GRIN3A: variants seen among roughly 807,000 people sequenced by gnomAD.
GRIN3A encodes glutamate receptor ionotropic, NMDA 3A.
GRIN3A carries 47 observed loss-of-function variants against 92.4 expected under a neutral mutation model. The observed-to-expected ratio is 0.51, with a 90% CI of 0.40 to 0.65. The LOEUF (loss-of-function observed/expected upper bound fraction) is 0.65, where lower values mean the gene tolerates loss of function less well. Ranked by LOEUF, GRIN3A falls within the 30% of genes least tolerant of loss-of-function variation. The probability of loss-of-function intolerance (pLI) is 0.00; values close to 1 mark genes in which losing one functional copy is unlikely to be tolerated. For missense variants in GRIN3A, 1,324 were observed against 1,393.1 expected (o/e 0.95, Z 0.79); for synonymous variants, 527 against 540.6 (o/e 0.97, Z 0.35).
chr9:101,618,099 A>G (rs1230748081), intron 5 of GRIN3A, among the ~76,000 whole-genome samples: 2 of 152,126 alleles, frequency 1.3e-5, no homozygotes, highest in East Asian at 3.9e-4. Flanking sequence ...AAGAAAACCT[A>G]GGCAATACCA....
chr9:101,693,183 C>T (rs1353692797), intron 1 of GRIN3A, among the ~76,000 whole-genome samples: 2 of 151,306 alleles, frequency 1.3e-5, no homozygotes, highest in African/African-American at 4.9e-5. Context: ...GGTGGTAGAT[C>T]ACCTGAGGTC....
At chr9:101,695,593 G>A (rs10119060) in intron 1 of GRIN3A, among the ~76,000 whole-genome samples, 1 of 152,098 alleles carries the variant, frequency 6.6e-6, no homozygotes, top group African/African-American at 2.4e-5. Context: ...AAGAGAGGAG[G>A]TGGCTGGAAA....
chr9:101,629,891 T>C (rs1014475905), intron 3 of GRIN3A, among the ~76,000 whole-genome samples: 16 of 152,208 alleles, frequency 1.1e-4, no homozygotes, highest in Non-Finnish European at 2.9e-5. Context: ...ATGTCTATCT[T>C]ATTTCAAAGC....
chr9:101,618,898 C>A (rs1024561515), intron 5 of GRIN3A, among the ~76,000 whole-genome samples: 1 of 152,086 alleles, frequency 6.6e-6, no homozygotes, highest in African/African-American at 2.4e-5. Context: ...TGTGGCTTTG[C>A]AATAAAGACA....
intron 6 of GRIN3A, chr9:101,592,357 G>A (rs1828041530): frequency 6.6e-6 from 1 of 152,236 alleles, no homozygotes; most frequent in Admixed American, 6.5e-5. Flanking sequence ...AAGGGGGAAG[G>A]GAAGGGAATT....
chr9:101,649,227 T>A (rs929099002), intron 3 of GRIN3A, among the ~76,000 whole-genome samples: 1 of 151,966 alleles, frequency 6.6e-6, no homozygotes, highest in South Asian at 2.1e-4. Flanking sequence ...GAGTTCTCCA[T>A]GTGAGCACAT....
Position 101,613,522 on chromosome 9 carries a change from C to T in GRIN3A, c.2620G>A (p.Gly874Ser), listed in dbSNP as rs143704150. The change falls in exon 6 of 9, where the codon GGC becomes AGC. Residue 874 changes from glycine (G) to serine (S), a missense_variant. Coordinates refer to ENST00000361820, the MANE Select transcript of GRIN3A (RefSeq NM_133445.3). ...GGAGAGTTGGGTGGGAGGCCAATGC[C>T]GTATCCTAGAAGAAAATACAATCTC... ...VGKPFAIEGY[G>S]IGLPPNSPLT... 2.3e-5 allele frequency: 37 copies of T among 1,613,986 alleles called. No individual in the cohort carries two copies. Among genetic ancestry groups the T allele is most frequent in the Middle Eastern group, 1.6e-4 (1 of 6,082 alleles).
chr9:101,711,612 CTT>C (rs1829880406), intron 1 of GRIN3A, among the ~76,000 whole-genome samples: 1 of 152,132 alleles, frequency 6.6e-6, no homozygotes, highest in African/African-American at 2.4e-5. Flanking sequence ...CTCTGATTTG[CTT>C]TCTGTGGGTT....
At chr9:101,667,673 C>T (rs1252716702) in intron 3 of GRIN3A, among the ~76,000 whole-genome samples, 3 of 151,886 alleles carry the variant, frequency 2.0e-5, no homozygotes, top group South Asian at 2.1e-4. Flanking sequence ...TGAGTAACTA[C>T]GGTATAATAA....
intron 1 of GRIN3A, among the ~76,000 whole-genome samples, chr9:101,705,388 C>CT (rs1350025126): frequency 6.6e-6 from 1 of 152,074 alleles, no homozygotes; most frequent in African/African-American, 2.4e-5. Flanking sequence ...CAAAGATTAC[C>CT]TCTCCCGCCT....
At chr9:101,715,082 G>A (rs921472232) in intron 1 of GRIN3A, among the ~76,000 whole-genome samples, 1 of 151,640 alleles carries the variant, frequency 6.6e-6, no homozygotes, top group African/African-American at 2.4e-5. Flanking sequence ...ATATGAAAAG[G>A]ATCCTTGGAC....
chr9:101,612,234 G>A lies in GRIN3A; in HGVS notation c.2766+1142C>T, dbSNP rs73509336. On this transcript the variant is annotated intron_variant, in intron 6 of 8. Coordinates refer to ENST00000361820, the MANE Select transcript of GRIN3A (RefSeq NM_133445.3). Reference sequence around the variant, plus strand: ...GACAACAGTGGAGATGACAATAAATGGGCATATTCGAGGCATATTTTATAG... The same window carrying A: ...GACAACAGTGGAGATGACAATAAATAGGCATATTCGAGGCATATTTTATAG... 7.7e-3 allele frequency among the ~76,000 whole-genome samples: 1,170 copies of A among 152,306 alleles called. 15 individuals carry two copies. The highest frequency in any genetic ancestry group is 0.027 in the African/African-American group (1,128 of 41,568).
chr9:101,646,030 A>G (rs1296468942), intron 3 of GRIN3A, among the ~76,000 whole-genome samples: 1 of 151,588 alleles, frequency 6.6e-6, no homozygotes, highest in African/African-American at 2.4e-5. Context: ...CCTCTTTGCT[A>G]TATTGATTTA....
chr9:101,624,133 T>C lies in GRIN3A; in HGVS notation c.2499-700A>G, dbSNP rs185863843. On this transcript the variant is annotated intron_variant, in intron 4 of 8. Coordinates refer to ENST00000361820, the MANE Select transcript of GRIN3A (RefSeq NM_133445.3). ...CAGAAAAGCTCTTAGTCTAATTTGC[T>C]TTTATTGTGACTATGTCCTGAGCCC... is the stretch of plus-strand genomic sequence containing the variant. Among the ~76,000 whole-genome samples, 14 of 152,344 alleles carry C rather than the reference T, an allele frequency of 9.2e-5. No homozygotes were observed. In the East Asian group the frequency reaches 2.5e-3, roughly 27 times the overall value.
chr9:101,706,835 A>G (rs1471313747), intron 1 of GRIN3A, among the ~76,000 whole-genome samples: 1 of 152,228 alleles, frequency 6.6e-6, no homozygotes, highest in Non-Finnish European at 1.5e-5. Flanking sequence ...GTTGCACACA[A>G]GGGAGACGGA....
At chr9:101,724,480 C>G (rs1234151737) in intron 1 of GRIN3A, among the ~76,000 whole-genome samples, 2 of 152,266 alleles carry the variant, frequency 1.3e-5, no homozygotes, top group Non-Finnish European at 2.9e-5. Context: ...GGTTCCCGCT[C>G]GCGCCTCTCC....
intron 5 of GRIN3A, among the ~76,000 whole-genome samples, chr9:101,619,137 G>T (rs903417379): frequency 1.3e-5 from 2 of 152,140 alleles, no homozygotes; most frequent in Non-Finnish European, 2.9e-5. Context: ...TAGACTAAAA[G>T]AATCTTCCGA....
At chr9:101,712,403 A>T (rs1174210974) in intron 1 of GRIN3A, among the ~76,000 whole-genome samples, 1 of 152,198 alleles carries the variant, frequency 6.6e-6, no homozygotes, top group Non-Finnish European at 1.5e-5. Flanking sequence ...AAACCAGGTC[A>T]TGGGTTTCAC....
At chr9:101,573,644 T>C (rs751563846) in intron 8 of GRIN3A, 131 bp from the exon 9 acceptor site, 35 of 747,614 alleles carry the variant, frequency 4.7e-5, no homozygotes, top group Non-Finnish European at 7.9e-5. Context: ...AACAAAGCCA[T>C]GGACAGACTA....
Sources: allele counts gnomAD v4.1 joint callset (sites outside exome capture counted in the v4.1 genomes callset), GRCh38; gene constraint gnomAD v4.1.1; transcripts MANE v1.5; gene names NCBI Gene and HGNC (gene_info 2026-07-23, HGNC 2026-07-21).